The following SLC4A4 variants were observed in gnomAD, a reference collection of about 807,000 sequenced individuals.
SLC4A4 encodes the protein electrogenic sodium bicarbonate cotransporter 1.
Under a neutral mutation model 111.5 loss-of-function variants are expected in SLC4A4, and 27 were observed. The observed-to-expected ratio is 0.24, with a 90% CI of 0.18 to 0.33. The LOEUF (loss-of-function observed/expected upper bound fraction) is 0.33. SLC4A4 is among the 10% of genes least tolerant of loss of function. SLC4A4 has a pLI of 1.00. For missense variants in SLC4A4, 909 were observed against 1,315.5 expected, an observed-to-expected ratio of 0.69 and a Z score of 4.78; for synonymous variants, 443 against 463.4, an observed-to-expected ratio of 0.96 and a Z score of 0.57.
At chr4:71,146,947 T>G (rs1161914391) in intron 2 of SLC4A4, among the ~76,000 whole-genome samples, 1 of 152,036 alleles carries the variant, frequency 6.6e-6, no homozygotes, top group Admixed American at 6.6e-5. Flanking sequence ...GACTGGCAAA[T>G]TGGATAAAGA....
intron 8 of SLC4A4, among the ~76,000 whole-genome samples, chr4:71,444,553 C>T (rs1482084564): frequency 6.6e-6 from 1 of 152,018 alleles, no homozygotes; most frequent in Non-Finnish European, 1.5e-5. Context: ...GAGAAAAAAG[C>T]TTCTGGATAA....
At chr4:71,385,583 T>C (rs1578978618) in intron 6 of SLC4A4, among the ~76,000 whole-genome samples, 1 of 152,196 alleles carries the variant, frequency 6.6e-6, no homozygotes, top group African/African-American at 2.4e-5. Context: ...ATGAATAGAA[T>C]TTATATCATT....
intron 2 of SLC4A4, among the ~76,000 whole-genome samples, chr4:71,123,704 T>C (rs16845804): frequency 0.16 from 25,087 of 152,168 alleles, 2,328 homozygotes; most frequent in East Asian, 0.27. Flanking sequence ...TTCTGTCGTG[T>C]CTTATTTACT....
intron 10 of SLC4A4, among the ~76,000 whole-genome samples, 155 bp from the exon 11 acceptor site, chr4:71,451,033 A>G (rs1230281249): frequency 2.0e-5 from 3 of 152,236 alleles, no homozygotes; most frequent in African/African-American, 7.2e-5. Context: ...TAAATGTAAC[A>G]CTTAAAGAAC....
chr4:71,147,411 A>G (rs915881716), intron 2 of SLC4A4, among the ~76,000 whole-genome samples: 1 of 152,084 alleles, frequency 6.6e-6, no homozygotes, highest in African/African-American at 2.4e-5. Context: ...CATGATGGTC[A>G]GTGAGTAATA....
intron 3 of SLC4A4, among the ~76,000 whole-genome samples, chr4:71,267,419 G>C (rs1243914132): frequency 6.6e-6 from 1 of 152,126 alleles, no homozygotes; most frequent in Admixed American, 6.5e-5. Flanking sequence ...CAAGGCTCTG[G>C]GCCAGGAGAA....
intron 2 of SLC4A4, among the ~76,000 whole-genome samples, chr4:71,152,079 T>C (rs1269831564): frequency 6.6e-6 from 1 of 152,070 alleles, no homozygotes; most frequent in Non-Finnish European, 1.5e-5. Flanking sequence ...AAAGGGTATA[T>C]ATAATGTGTA....
intron 11 of SLC4A4, among the ~76,000 whole-genome samples, chr4:71,452,599 C>T (rs1025127961): frequency 6.6e-6 from 1 of 152,114 alleles, no homozygotes; most frequent in African/African-American, 2.4e-5. Context: ...GTCAAGACTT[C>T]GGAGAGCTGT....
chr4:71,127,447 C>G (rs1328932752), intron 2 of SLC4A4, among the ~76,000 whole-genome samples: 2 of 152,096 alleles, frequency 1.3e-5, no homozygotes, highest in Non-Finnish European at 2.9e-5. Context: ...GAACAAAAAT[C>G]CCACCCATAT....
chr4:71,241,639 A>G (rs1720233088), intron 2 of SLC4A4, among the ~76,000 whole-genome samples: 1 of 152,172 alleles, frequency 6.6e-6, no homozygotes, highest in African/African-American at 2.4e-5. Context: ...TGAGCGCTGG[A>G]TATAAGTGTC....
At chr4:71,369,285 G>A (rs1027172072) in intron 6 of SLC4A4, among the ~76,000 whole-genome samples, 2 of 152,204 alleles carry the variant, frequency 1.3e-5, no homozygotes, top group Non-Finnish European at 2.9e-5. Flanking sequence ...AGTCGTAATT[G>A]CTGACTTATT....
chr4:71,382,779 C>T (rs1369067578), intron 6 of SLC4A4, among the ~76,000 whole-genome samples: 1 of 152,126 alleles, frequency 6.6e-6, no homozygotes, highest in Non-Finnish European at 1.5e-5. Flanking sequence ...ACCCAGTCTC[C>T]AGAGAACCCA....
intron 6 of SLC4A4, 56 bp downstream of exon 6, chr4:71,357,243 C>T (rs778836922): frequency 7.6e-5 from 116 of 1,524,278 alleles, no homozygotes; most frequent in Non-Finnish European, 9.7e-5. Flanking sequence ...CTCACCTTTA[C>T]ACCGTCTCCT....
chr4:71,334,735 AGT>A (rs1728295576), intron 3 of SLC4A4, among the ~76,000 whole-genome samples: 1 of 152,204 alleles, frequency 6.6e-6, no homozygotes, highest in Admixed American at 6.5e-5. Flanking sequence ...ACCTGGAGGT[AGT>A]GTTACATCCT....
intron 4 of SLC4A4, among the ~76,000 whole-genome samples, chr4:71,347,824 G>T (rs1729464537): frequency 6.6e-6 from 1 of 152,084 alleles, no homozygotes. Context: ...GCTTCTAGCT[G>T]CCCTGTGTCA....
intron 2 of SLC4A4, among the ~76,000 whole-genome samples, chr4:71,176,991 T>C (rs1187185181): frequency 6.6e-6 from 1 of 152,182 alleles, no homozygotes; most frequent in African/African-American, 2.4e-5. Flanking sequence ...TGGCAGAAAC[T>C]CTACAAGCCA....
rs532061883 is a variant in SLC4A4 at position 71,243,204 on chromosome 4, T to G, written c.73+6555T>G. Among the ~76,000 whole-genome samples, 24 of 152,094 alleles carry G rather than the reference T, an allele frequency of 1.6e-4. No individual in the cohort carries two copies. The South Asian group carries it at 5.0e-3, about 32-fold the overall frequency. On this transcript the variant is annotated intron_variant, in intron 2 of 25. Coordinates refer to ENST00000264485, the MANE Select transcript of SLC4A4 (RefSeq NM_001098484.3). ...TCTGCGAGTGAGAAGGATTCAAGAG[T>G]CTAGTATGTGTATATGTATTTAAAC...
chr4:71,416,481 A>C (rs1032086585), intron 7 of SLC4A4, among the ~76,000 whole-genome samples: 4 of 152,170 alleles, frequency 2.6e-5, no homozygotes, highest in Admixed American at 2.0e-4. Flanking sequence ...GAGTTCACTT[A>C]TTTTCAGACC....
At chr4:71,260,498 C>A (rs758419119) in intron 3 of SLC4A4, among the ~76,000 whole-genome samples, 1 of 152,268 alleles carries the variant, frequency 6.6e-6, no homozygotes, top group East Asian at 1.9e-4. Context: ...GTTTAAAAAA[C>A]AAAACACAAA....
Sources: gnomAD v4.1 joint callset for allele counts (sites outside exome capture counted in the v4.1 genomes callset) on GRCh38, gnomAD v4.1.1 for gene constraint, MANE v1.5 for transcripts, NCBI Gene and HGNC (gene_info 2026-07-23, HGNC 2026-07-21) for gene names.